Variants in CNTNAP2 observed in about 807,000 individuals in gnomAD.
CNTNAP2 encodes the protein contactin-associated protein-like 2.
A neutral mutation model predicts 155.2 loss-of-function variants in CNTNAP2; 98 were observed. The observed-to-expected ratio is 0.63, with a 90% CI of 0.54 to 0.75. The LOEUF is 0.75. Ranked by LOEUF, CNTNAP2 falls within the 30% of genes least tolerant of loss-of-function variation. CNTNAP2 has a pLI of 0.00. For missense variants in CNTNAP2, 1,727 were observed against 1,688.1 expected (o/e 1.02, Z -0.40); for synonymous variants, 651 against 631.2 (o/e 1.03, Z -0.47).
chr7:147,933,497 A>G (rs781092115), intron 14 of CNTNAP2, among the ~76,000 whole-genome samples: 1 of 67,636 alleles, frequency 1.5e-5, no homozygotes, highest in Non-Finnish European at 3.7e-5. Flanking sequence ...AAAATGTGAG[A>G]TAGATAGATA....
intron 18 of CNTNAP2, among the ~76,000 whole-genome samples, chr7:148,214,234 G>A (rs912013783): frequency 2.0e-5 from 3 of 152,196 alleles, no homozygotes; most frequent in African/African-American, 7.2e-5. Context: ...AGCAAGAGTT[G>A]TCAGCACCCA....
chr7:147,289,599 T>C (rs554792879), intron 8 of CNTNAP2, among the ~76,000 whole-genome samples: 6 of 152,204 alleles, frequency 3.9e-5, no homozygotes, highest in Admixed American at 3.9e-4. Context: ...TGTAAGATTA[T>C]GTCAAGAAAA....
chr7:146,628,650 C>T (rs1349939715), intron 1 of CNTNAP2, among the ~76,000 whole-genome samples: 1 of 151,884 alleles, frequency 6.6e-6, no homozygotes, highest in Non-Finnish European at 1.5e-5. Flanking sequence ...AAAAAGAAAA[C>T]TATGAACCCT....
intron 13 of CNTNAP2, among the ~76,000 whole-genome samples, chr7:147,730,215 T>A (rs1796714654): frequency 2.6e-5 from 4 of 152,238 alleles, no homozygotes; most frequent in Non-Finnish European, 5.9e-5. Flanking sequence ...ACAATTACGG[T>A]CCTTTCAGAA....
chr7:146,351,616 T>G (rs190729836), intron 1 of CNTNAP2, among the ~76,000 whole-genome samples: 101 of 152,312 alleles, frequency 6.6e-4, no homozygotes, highest in Non-Finnish European at 7.4e-5. Flanking sequence ...TTCTTAATTT[T>G]TTTACTTTAT....
intron 8 of CNTNAP2, among the ~76,000 whole-genome samples, chr7:147,151,429 A>G (rs1481213597): frequency 6.6e-6 from 1 of 152,202 alleles, no homozygotes; most frequent in Non-Finnish European, 1.5e-5. Context: ...TATATCTAGC[A>G]TGCAAACTAT....
At chr7:146,910,973 A>T (rs1796262004) in intron 3 of CNTNAP2, among the ~76,000 whole-genome samples, 1 of 151,312 alleles carries the variant, frequency 6.6e-6, no homozygotes, top group East Asian at 1.9e-4. Flanking sequence ...AAAACAAACA[A>T]CCCCATCAAA....
At chr7:147,901,622 A>C (rs1446645966) in intron 13 of CNTNAP2, among the ~76,000 whole-genome samples, 1 of 152,078 alleles carries the variant, frequency 6.6e-6, no homozygotes, top group Non-Finnish European at 1.5e-5. Flanking sequence ...AGGAGGTCTT[A>C]CCTCTCTTAT....
At chr7:147,690,013 T>A (rs1584901661) in intron 13 of CNTNAP2, among the ~76,000 whole-genome samples, 1 of 152,156 alleles carries the variant, frequency 6.6e-6, no homozygotes, top group East Asian at 1.9e-4. Context: ...GTGCCAAGCC[T>A]CCCTCCCCAA....
intron 10 of CNTNAP2, among the ~76,000 whole-genome samples, chr7:147,405,655 CAG>C (rs1796993761): frequency 6.6e-6 from 1 of 152,046 alleles, no homozygotes; most frequent in African/African-American, 2.4e-5. Flanking sequence ...TGAGCAGAGA[CAG>C]AAAAAAGTTT....
intron 3 of CNTNAP2, among the ~76,000 whole-genome samples, chr7:146,895,164 C>A (rs914803125): frequency 2.7e-5 from 4 of 150,326 alleles, no homozygotes; most frequent in Non-Finnish European, 4.4e-5. Context: ...TGTTTTAATC[C>A]CCTTCCAGCC....
At chr7:147,630,791 T>G (rs1795073889) in intron 12 of CNTNAP2, among the ~76,000 whole-genome samples, 1 of 152,106 alleles carries the variant, frequency 6.6e-6, no homozygotes, top group Non-Finnish European at 1.5e-5. Context: ...GAATAAAACC[T>G]TCTGCAAAAT....
chr7:148,180,887 T>C (rs1228205596), intron 18 of CNTNAP2, among the ~76,000 whole-genome samples: 2 of 152,144 alleles, frequency 1.3e-5, no homozygotes, highest in Non-Finnish European at 2.9e-5. Context: ...CATTAGCATG[T>C]GGGTCTGAGT....
intron 1 of CNTNAP2, among the ~76,000 whole-genome samples, chr7:146,153,076 A>G (rs1047629601): frequency 1.3e-5 from 2 of 152,150 alleles, no homozygotes; most frequent in African/African-American, 4.8e-5. Flanking sequence ...AGTAAAATCA[A>G]GGTGTATATC....
intron 3 of CNTNAP2, among the ~76,000 whole-genome samples, chr7:146,943,454 T>C (rs1797096546): frequency 6.6e-6 from 1 of 152,178 alleles, no homozygotes. Flanking sequence ...ATCATGCCAC[T>C]GCACTCCAGC....
At chr7:147,676,707 T>A (rs1584894211) in intron 13 of CNTNAP2, among the ~76,000 whole-genome samples, 1 of 151,956 alleles carries the variant, frequency 6.6e-6, no homozygotes, top group East Asian at 1.9e-4. Flanking sequence ...TATTCTCTAC[T>A]TATATGAGAT....
chr7:146,375,843 T>G lies in CNTNAP2; in HGVS notation c.97+258870T>G, dbSNP rs565212400. Among the ~76,000 whole-genome samples, 7 of 152,318 alleles carry G rather than the reference T, an allele frequency of 4.6e-5. No homozygotes were observed. The East Asian group carries it at 1.2e-3, about 25-fold the overall frequency. On this transcript the variant is annotated intron_variant, in intron 1 of 23. Transcript: ENST00000361727. Reference sequence around the variant, plus strand: ...AGAAATTCTTATAATCTCCTATAACTTACTCTTATGTAAATTCCCTTAAAC... The same window carrying G: ...AGAAATTCTTATAATCTCCTATAACGTACTCTTATGTAAATTCCCTTAAAC...
At chr7:147,414,496 G>A (rs571817407) in intron 10 of CNTNAP2, among the ~76,000 whole-genome samples, 2 of 148,726 alleles carry the variant, frequency 1.3e-5, no homozygotes, top group African/African-American at 4.9e-5. Context: ...ATGTGTAGTT[G>A]TTTGATACTT....
intron 1 of CNTNAP2, among the ~76,000 whole-genome samples, chr7:146,281,257 A>G (rs1800247134): frequency 6.6e-6 from 1 of 152,216 alleles, no homozygotes; most frequent in Non-Finnish European, 1.5e-5. Context: ...ATGACATAAT[A>G]TGATCCTATA....
Sources: gnomAD v4.1 joint callset for allele counts (sites outside exome capture counted in the v4.1 genomes callset) on GRCh38, gnomAD v4.1.1 for gene constraint, MANE v1.5 for transcripts, NCBI Gene and HGNC (gene_info 2026-07-23, HGNC 2026-07-21) for gene names.